RPTOR: variants seen among roughly 807,000 people sequenced by gnomAD.
The protein encoded by RPTOR is regulatory-associated protein of mTOR.
A neutral mutation model predicts 169.9 loss-of-function variants in RPTOR; 21 were observed. The ratio of observed to expected loss-of-function variants is 0.12; its 90% confidence interval spans 0.09 to 0.18. The LOEUF (loss-of-function observed/expected upper bound fraction) is 0.18, where lower values mean the gene tolerates loss of function less well. Ranked by LOEUF, RPTOR falls within the 10% of genes least tolerant of loss-of-function variation. RPTOR has a pLI of 1.00. For synonymous variants in RPTOR, 732 were observed against 753.2 expected (o/e 0.97, Z 0.46); for missense variants, 1,133 against 1,855.9 (o/e 0.61, Z 7.16).
intron 1 of RPTOR, among the ~76,000 whole-genome samples, chr17:80,551,996 T>G (rs1190103244): frequency 1.3e-5 from 2 of 152,236 alleles, no homozygotes; most frequent in African/African-American, 4.8e-5. Flanking sequence ...CTTAATCCAT[T>G]TAACCCTGAG....
At chr17:80,567,807 T>A (rs927875133) in intron 1 of RPTOR, among the ~76,000 whole-genome samples, 1 of 147,590 alleles carries the variant, frequency 6.8e-6, no homozygotes, top group Non-Finnish European at 1.5e-5. Flanking sequence ...ATAAATAAAA[T>A]AAATAAATAA....
chr17:80,649,739 T>C (rs1057149206), intron 3 of RPTOR, among the ~76,000 whole-genome samples: 2 of 152,252 alleles, frequency 1.3e-5, no homozygotes, highest in African/African-American at 2.4e-5. Flanking sequence ...TTTTTACTTA[T>C]ATTTTTGCCT....
intron 13 of RPTOR, among the ~76,000 whole-genome samples, chr17:80,867,056 CAAGAA>C (rs1351416040): frequency 6.6e-6 from 1 of 152,090 alleles, no homozygotes; most frequent in African/African-American, 2.4e-5. Flanking sequence ...ACACACGTTA[CAAGAA>C]AAGAAAACTA....
intron 24 of RPTOR, among the ~76,000 whole-genome samples, chr17:80,935,937 G>C (rs1407874278): frequency 1.3e-5 from 2 of 152,184 alleles, no homozygotes; most frequent in Admixed American, 6.5e-5. Flanking sequence ...GTCACAGACA[G>C]AGCGAAAATT....
At chr17:80,809,071 T>C (rs1301201028) in intron 7 of RPTOR, among the ~76,000 whole-genome samples, 1 of 152,270 alleles carries the variant, frequency 6.6e-6, no homozygotes, top group Non-Finnish European at 1.5e-5. Flanking sequence ...TGTTTAACTT[T>C]ATAAGAAATT....
intron 20 of RPTOR, among the ~76,000 whole-genome samples, chr17:80,902,927 G>A (rs960745478): frequency 7.9e-5 from 12 of 152,344 alleles, no homozygotes; most frequent in African/African-American, 2.2e-4. Context: ...AATTCTGCTC[G>A]GGACTCTGGT....
In RPTOR at chr17:80,859,561, G is replaced by A. The variant is rs114722390; in HGVS notation, c.1509+1661G>A. 2.0e-3 allele frequency among the ~76,000 whole-genome samples: 306 copies of A among 152,320 alleles called. 2 individuals are homozygous for A. Among genetic ancestry groups the A allele is most frequent in the African/African-American group, 6.9e-3 (287 of 41,576 alleles). ...AAGTCAGTCTTGCTCTGGGGGTGCC[G>A]CCACGGGTGAGGAGAGCGGGACGGA... is the stretch of plus-strand genomic sequence containing the variant. On this transcript the variant is annotated intron_variant, in intron 13 of 33. Transcript: ENST00000306801.
At chr17:80,943,838 G>GTCAGGTGAGGACACGGTGA (rs11271209) in intron 25 of RPTOR, among the ~76,000 whole-genome samples, 1 of 151,778 alleles carries the variant, frequency 6.6e-6, no homozygotes, top group African/African-American at 2.4e-5. Context: ...GTAAGAGCCA[G>GTCAGGTGAGGACACGGTGA]GCGGTGTCTC....
chr17:80,880,181 C>T (rs773688539), intron 13 of RPTOR, among the ~76,000 whole-genome samples: 18 of 152,266 alleles, frequency 1.2e-4, no homozygotes, highest in South Asian at 1.0e-3. Context: ...TGAAAGAAAA[C>T]GTCTGGGAGC....
chr17:80,589,014 T>TTCATAG (rs1313535484), intron 1 of RPTOR, among the ~76,000 whole-genome samples: 1 of 152,192 alleles, frequency 6.6e-6, no homozygotes, highest in Non-Finnish European at 1.5e-5. Flanking sequence ...CCCTAAAAGC[T>TTCATAG]TCATAGTTTT....
At chr17:80,762,687 T>A (rs887508392) in intron 6 of RPTOR, among the ~76,000 whole-genome samples, 4 of 152,012 alleles carry the variant, frequency 2.6e-5, no homozygotes, top group Non-Finnish European at 5.9e-5. Flanking sequence ...ATTGAAGAGA[T>A]GGATTGAAAA....
At chr17:80,918,494 G>GC (rs2068704833) in intron 21 of RPTOR, among the ~76,000 whole-genome samples, 11 of 102,618 alleles carry the variant, frequency 1.1e-4, no homozygotes, top group African/African-American at 3.3e-4. Context: ...GAGCACCCTC[G>GC]CGGGGGTCAT....
rs1369683252 is a variant in RPTOR at position 80,677,522 on chromosome 17, C to CCCTCCCACCAGACTCCAGCCTCA, written c.349-30286_349-30264dup. On this transcript the variant is annotated intron_variant, in intron 3 of 33. Coordinates refer to ENST00000306801, the MANE Select transcript of RPTOR (RefSeq NM_020761.3). Reference sequence around the variant, plus strand: ...CTACCACAGCCTCACCTCCCACCTTCCCTCCCACCAGACTCCAGCCTCACC... The same window carrying CCCTCCCACCAGACTCCAGCCTCA: ...CTACCACAGCCTCACCTCCCACCTTCCCTCCCACCAGACTCCAGCCTCACCTCCCACCAGACTCCAGCCTCACC... Among the ~76,000 whole-genome samples the CCCTCCCACCAGACTCCAGCCTCA allele has an allele frequency of 1.9e-4, 29 of 152,136 alleles. No homozygotes were observed. The East Asian group carries it at 3.9e-3, about 20-fold the overall frequency.
chr17:80,633,309 G>A lies in RPTOR; in HGVS notation c.265+7516G>A, dbSNP rs777082564. Among the ~76,000 whole-genome samples, 3 of 152,190 alleles carry A rather than the reference G, an allele frequency of 2.0e-5. No individual in the cohort carries two copies. The highest frequency in any genetic ancestry group is 2.9e-5 in the Non-Finnish European group (2 of 68,036). On this transcript the variant is annotated intron_variant, in intron 2 of 33. Transcript: ENST00000306801. The surrounding 1 kb of genome is among the most constrained non-coding windows in gnomAD (Gnocchi z 4.1). ...ATTCGCGTGGACGTGTGACTGCCAC[G>A]TAAGCGTCCGCTGCATGCAGGTTTG...
At chr17:80,597,353 C>A (rs1567812538) in intron 1 of RPTOR, among the ~76,000 whole-genome samples, 1 of 152,150 alleles carries the variant, frequency 6.6e-6, no homozygotes, top group Non-Finnish European at 1.5e-5. Context: ...GTGTGAGTGT[C>A]TGCATGGCTT....
chr17:80,882,527 C>T (rs970884610), intron 14 of RPTOR, among the ~76,000 whole-genome samples: 8 of 152,206 alleles, frequency 5.3e-5, no homozygotes, highest in Non-Finnish European at 1.2e-4. Flanking sequence ...AAAGCGACCA[C>T]GGTCGGGTCA....
At chr17:80,625,166 G>A (rs1337798362) in intron 1 of RPTOR, among the ~76,000 whole-genome samples, 1 of 152,166 alleles carries the variant, frequency 6.6e-6, no homozygotes, top group Non-Finnish European at 1.5e-5. Context: ...GATGGTCCAC[G>A]GAGAGTGAAC....
At chr17:80,950,690 G>A (rs1568006464) in intron 28 of RPTOR, among the ~76,000 whole-genome samples, 1 of 152,100 alleles carries the variant, frequency 6.6e-6, no homozygotes, top group Non-Finnish European at 1.5e-5. Flanking sequence ...GTGAGCCCCA[G>A]CCCGGGGCCC....
intron 1 of RPTOR, among the ~76,000 whole-genome samples, chr17:80,603,867 G>C (rs1401929641): frequency 6.6e-6 from 1 of 152,198 alleles, no homozygotes; most frequent in Non-Finnish European, 1.5e-5. Flanking sequence ...CCAGCCTTCT[G>C]GCAGGAAAGC....
Sources: allele counts gnomAD v4.1 joint callset (sites outside exome capture counted in the v4.1 genomes callset), GRCh38; gene constraint gnomAD v4.1.1; non-coding constraint Gnocchi (gnomAD v3.1); transcripts MANE v1.5; gene names NCBI Gene and HGNC (gene_info 2026-07-23, HGNC 2026-07-21).